GALK2: variants seen among roughly 807,000 people sequenced by gnomAD.
GALK2 encodes the protein galactokinase 2.
Under a neutral mutation model 52.4 loss-of-function variants are expected in GALK2, and 36 were observed. The observed-to-expected ratio is 0.69, with a 90% CI of 0.53 to 0.91. GALK2 has a LOEUF of 0.91. Among genes scored for constraint, GALK2 ranks in the 40% least tolerant of loss-of-function variants. The pLI is 0.00. For synonymous variants in GALK2, 176 were observed against 199.1 expected, an observed-to-expected ratio of 0.88 and a Z score of 0.98; for missense variants, 579 against 559.1, an observed-to-expected ratio of 1.04 and a Z score of -0.36.
intron 1 of GALK2, among the ~76,000 whole-genome samples, chr15:49,192,653 A>G (rs2086856100): frequency 6.6e-6 from 1 of 151,630 alleles, no homozygotes; most frequent in Admixed American, 6.6e-5. Flanking sequence ...TGTATTCCCA[A>G]AACAGTATAT....
chr15:49,191,745 A>G (rs1421181076), intron 1 of GALK2, among the ~76,000 whole-genome samples: 1 of 152,156 alleles, frequency 6.6e-6, no homozygotes, highest in South Asian at 2.1e-4. Context: ...AAAAACTTTG[A>G]GAATATATTG....
chr15:49,234,183 T>C (rs2090661502), intron 3 of GALK2, among the ~76,000 whole-genome samples: 1 of 152,192 alleles, frequency 6.6e-6, no homozygotes, highest in African/African-American at 2.4e-5. Flanking sequence ...ACATTGTCCT[T>C]CGGCTGATTT....
At chr15:49,190,050 G>C (rs185282640) in intron 1 of GALK2, among the ~76,000 whole-genome samples, 48 of 152,172 alleles carry the variant, frequency 3.2e-4, no homozygotes, top group Admixed American at 2.0e-3. Context: ...CTTTCTATGT[G>C]TTTTATGAGC....
intron 1 of GALK2, among the ~76,000 whole-genome samples, chr15:49,200,245 G>A (rs1423431384): frequency 1.3e-5 from 2 of 152,148 alleles, no homozygotes; most frequent in African/African-American, 4.8e-5. Context: ...TTTTAGGGAA[G>A]AGAGGCCAAG....
At chr15:49,208,735 A>G (rs1291286644) in intron 2 of GALK2, among the ~76,000 whole-genome samples, 2 of 152,132 alleles carry the variant, frequency 1.3e-5, no homozygotes, top group East Asian at 1.9e-4. Context: ...TGACCTGTCT[A>G]GTGCTGTCAG....
downstream of GALK2, chr15:49,335,511 A>C: frequency 6.3e-7 from 1 of 1,595,930 alleles, no homozygotes; most frequent in East Asian, 2.2e-5. Flanking sequence ...TAGGCTTATT[A>C]TTAAGGAATG....
chr15:49,261,625 A>AG (rs1275188423), intron 5 of GALK2, among the ~76,000 whole-genome samples: 3 of 151,088 alleles, frequency 2.0e-5, no homozygotes, highest in Non-Finnish European at 4.5e-5. Flanking sequence ...GTGGTGAGAG[A>AG]GGGCATCCCT....
chr15:49,259,719 TC>T (rs2092001427), intron 5 of GALK2, among the ~76,000 whole-genome samples: 1 of 131,164 alleles, frequency 7.6e-6, no homozygotes, highest in African/African-American at 2.9e-5. Flanking sequence ...CCCAATGCTA[TC>T]CCTCCCCCCT....
chr15:49,199,460 G>A (rs1277357614), intron 1 of GALK2, among the ~76,000 whole-genome samples: 1 of 152,080 alleles, frequency 6.6e-6, no homozygotes, highest in Non-Finnish European at 1.5e-5. Flanking sequence ...ATATGCTAGC[G>A]ATATCAGTTA....
At chr15:49,338,762 C>T (rs1313072559) in intron 3 of GALK2, among the ~76,000 whole-genome samples, 1 of 152,200 alleles carries the variant, frequency 6.6e-6, no homozygotes, top group East Asian at 1.9e-4. Flanking sequence ...TTCAGGTACA[C>T]CAATCAATTG....
chr15:49,170,165 T>C (rs2084966302), upstream of GALK2: 4 of 1,454,724 alleles, frequency 2.7e-6, no homozygotes, highest in South Asian at 1.4e-5. Context: ...GAGGGGCCGA[T>C]TGGAAGCAGC....
chr15:49,251,143 A>T (rs2091581199), intron 5 of GALK2, among the ~76,000 whole-genome samples: 1 of 152,230 alleles, frequency 6.6e-6, no homozygotes, highest in Non-Finnish European at 1.5e-5. Context: ...AGAGAATTAC[A>T]GGTCAATCTC....
At chr15:49,317,299 C>T (rs909531327) in intron 8 of GALK2, among the ~76,000 whole-genome samples, 1 of 151,654 alleles carries the variant, frequency 6.6e-6, no homozygotes, top group African/African-American at 2.4e-5. Flanking sequence ...GGCCAAAAAA[C>T]GTGAAAAAAA....
intron 5 of GALK2, among the ~76,000 whole-genome samples, chr15:49,280,781 G>A (rs1019791418): frequency 3.3e-5 from 5 of 152,022 alleles, no homozygotes; most frequent in African/African-American, 1.2e-4. Flanking sequence ...TAGAAAAAGG[G>A]GACACCATGA....
chr15:49,319,954 G>A (rs915011485), intron 9 of GALK2, 149 bp downstream of exon 9: 2 of 691,336 alleles, frequency 2.9e-6, no homozygotes, highest in Non-Finnish European at 4.8e-6. Flanking sequence ...AGCTACACTT[G>A]TTCCCTTCTA....
rs758551162 is a variant in GALK2 at position 49,217,340 on chromosome 15, G to A, written c.266+27G>A. 2.5e-6 allele frequency: 4 copies of A among 1,611,094 alleles called. No homozygotes were observed. In the African/African-American group the frequency reaches 5.3e-5, roughly 22 times the overall value. On this transcript the variant is annotated intron_variant, in intron 3 of 9. Coordinates refer to ENST00000560031, the MANE Select transcript of GALK2 (RefSeq NM_002044.4). ...TGAGTATTTAAAATTGTTAGTGTGT[G>A]TGTATGTATGGTTCTGTTTGTACCC...
chr15:49,206,959 A>G (rs2088343600), intron 2 of GALK2, among the ~76,000 whole-genome samples: 2 of 152,160 alleles, frequency 1.3e-5, no homozygotes, highest in Non-Finnish European at 2.9e-5. Context: ...ATTCAATATT[A>G]TGTTGGCTGT....
Position 49,233,943 on chromosome 15 carries a change from C to CTT in GALK2, c.267-1905_267-1904dup, listed in dbSNP as rs2090647138. The stretch of plus-strand genomic sequence containing the variant: ...AACTTTTAAAAGGCAAGCCTTCTGC[C>CTT]TTTTACCTTTATATTCCCATGCATG... On this transcript the variant is annotated intron_variant, in intron 3 of 9. Coordinates refer to ENST00000560031, the MANE Select transcript of GALK2 (RefSeq NM_002044.4). Among the ~76,000 whole-genome samples the CTT allele has an allele frequency of 5.9e-5, 9 of 152,226 alleles. No homozygotes were observed. The South Asian group carries it at 1.9e-3, about 32-fold the overall frequency.
At position 49,217,320 on chromosome 15, in the gene GALK2, A is replaced by G. The variant is rs999597823; in HGVS notation, c.266+7A>G. 1.2e-5 allele frequency: 20 copies of G among 1,613,502 alleles called. No homozygotes were observed. In the African/African-American group the frequency reaches 1.9e-4, roughly 15 times the overall value. On this transcript the variant is annotated splice_region_variant and intron_variant, in intron 3 of 9. Transcript: ENST00000560031. ...ATACAAATCCCTTGTATCCGTGAGT[A>G]TTTAAAATTGTTAGTGTGTGTGTAT... is the stretch of plus-strand genomic sequence containing the variant.
Sources: gnomAD v4.1 joint callset for allele counts (sites outside exome capture counted in the v4.1 genomes callset) on GRCh38, gnomAD v4.1.1 for gene constraint, MANE v1.5 for transcripts, NCBI Gene and HGNC (gene_info 2026-07-23, HGNC 2026-07-21) for gene names.